Variants in CCDC138 observed in about 807,000 individuals in gnomAD.
CCDC138 encodes the protein coiled-coil domain containing 138.
CCDC138 carries 66 observed loss-of-function variants against 82.3 expected under a neutral mutation model. The observed-to-expected ratio is 0.80, with a 90% confidence interval of 0.66 to 0.98. The LOEUF (loss-of-function observed/expected upper bound fraction) is 0.98. CCDC138 is among the 50% of genes least tolerant of loss of function. The pLI is 0.00. For missense variants in CCDC138, 816 were observed against 758.9 expected, an observed-to-expected ratio of 1.08 and a Z score of -0.88; for synonymous variants, 297 against 265.4, an observed-to-expected ratio of 1.12 and a Z score of -1.16.
At chr2:108,875,951 T>C (rs1313383861) in intron 14 of CCDC138, 137 bp from the exon 15 acceptor site, 7 of 579,156 alleles carry the variant, frequency 1.2e-5, no homozygotes, top group African/African-American at 1.9e-5. Context: ...TTCTAATCTT[T>C]TAGTTGCCTA....
At chr2:108,823,519 T>G in intron 10 of CCDC138, among the ~76,000 whole-genome samples, 1 of 152,256 alleles carries the variant, frequency 6.6e-6, no homozygotes, top group Middle Eastern at 3.2e-3. Context: ...CTAGGTGATA[T>G]AGCCTACTAC....
At chr2:108,834,823 T>C (rs1205731403) in intron 10 of CCDC138, among the ~76,000 whole-genome samples, 1 of 152,256 alleles carries the variant, frequency 6.6e-6, no homozygotes. Flanking sequence ...TTGCATATTC[T>C]AAGTATCTCA....
chr2:108,792,606 T>C (rs1476958326), intron 4 of CCDC138, among the ~76,000 whole-genome samples: 2 of 152,208 alleles, frequency 1.3e-5, no homozygotes, highest in Non-Finnish European at 2.9e-5. Flanking sequence ...CTTTCACTTT[T>C]AGGGCATTTG....
chr2:108,856,728 C>T (rs1692659775), intron 12 of CCDC138, 66 bp from the exon 13 acceptor site: 2 of 1,450,120 alleles, frequency 1.4e-6, no homozygotes, highest in Non-Finnish European at 1.9e-6. Flanking sequence ...TGCTTTTTTA[C>T]CTTCTGTTTC....
rs530640424 is a variant in CCDC138, at chr2:108,814,673, A to AT, written c.1042-1255dup. 1.9e-3 allele frequency among the ~76,000 whole-genome samples: 271 copies of AT among 141,790 alleles called. 1 individual carries two copies. Among genetic ancestry groups the AT allele is most frequent in the African/African-American group, 4.3e-3 (169 of 39,022 alleles). The allele number at this position is 141,790 out of a possible 152,430, so 93.0% of individuals were successfully genotyped here. A position where few individuals can be genotyped will look rare whatever the true frequency, so the allele number is the denominator to read the frequency against. ...ATTTTTTAATTTATTAATATTTTTAATTTTTTTTTTTTTGAGATGGGGTCT... is the reference window on the plus strand; with the variant it reads ...ATTTTTTAATTTATTAATATTTTTAATTTTTTTTTTTTTTGAGATGGGGTCT... On this transcript the variant is annotated intron_variant, in intron 9 of 14. Coordinates refer to ENST00000295124, the MANE Select transcript of CCDC138 (RefSeq NM_144978.3).
intron 12 of CCDC138, among the ~76,000 whole-genome samples, chr2:108,847,746 G>A (rs1690733369): frequency 6.6e-6 from 1 of 152,012 alleles, no homozygotes; most frequent in East Asian, 1.9e-4. Flanking sequence ...TTTTATTAAT[G>A]GGCAATGACA....
intron 4 of CCDC138, among the ~76,000 whole-genome samples, chr2:108,794,253 A>G (rs933881828): frequency 1.5e-4 from 23 of 152,098 alleles, no homozygotes; most frequent in African/African-American, 4.6e-4. Context: ...GTTGCTTTCC[A>G]TTTCTTGGCA....
chr2:108,872,623 G>A (rs1467071016), intron 13 of CCDC138, among the ~76,000 whole-genome samples: 3 of 152,066 alleles, frequency 2.0e-5, no homozygotes, highest in African/African-American at 4.8e-5. Flanking sequence ...CATCTTGCGA[G>A]GGCTTCTTGT....
Position 108,804,995 on chromosome 2 carries a change from C to A in CCDC138, c.842C>A (p.Thr281Asn), listed in dbSNP as rs777540087. 7 of 1,530,162 alleles carry A rather than the reference C, an allele frequency of 4.6e-6. No homozygotes were observed. The highest frequency in any genetic ancestry group is 6.1e-6 in the Non-Finnish European group (7 of 1,144,110). 94.8% of individuals were successfully genotyped at this position (1,530,162 alleles called of 1,614,324 possible). ...GATGCATTGAAAGAATTGAATGATA[C>A]CTTAAAAAAACAGGTAAGACCTGTT... Reference protein sequence around the residue: ...SFDALKELNDTLKKQLNEASE... With the variant: ...SFDALKELNDNLKKQLNEASE... Residue 281 changes from threonine (T) to asparagine (N), a missense_variant, in exon 7 of 15, where the codon ACC (threonine) becomes AAC (asparagine). Transcript: ENST00000295124.
intron 13 of CCDC138, 34 bp downstream of exon 13, chr2:108,857,004 C>A: frequency 8.7e-7 from 1 of 1,145,688 alleles, no homozygotes; most frequent in Non-Finnish European, 1.2e-6. Flanking sequence ...GTAAAGAAAG[C>A]AGGATGATTT....
chr2:108,819,544 G>A (rs1409847391), intron 10 of CCDC138, among the ~76,000 whole-genome samples: 4 of 152,156 alleles, frequency 2.6e-5, no homozygotes, highest in African/African-American at 7.2e-5. Flanking sequence ...GAGGGACACA[G>A]CGATTATGGG....
intron 6 of CCDC138, among the ~76,000 whole-genome samples, chr2:108,803,997 A>G (rs1323587776): frequency 6.6e-6 from 1 of 152,162 alleles, no homozygotes; most frequent in Non-Finnish European, 1.5e-5. Flanking sequence ...ACAAAGATTA[A>G]CTTCTTAGAA....
rs1679197487 is a variant in CCDC138, at chr2:108,788,017, TC to T, written c.94-14del. On this transcript the variant is annotated splice_polypyrimidine_tract_variant and intron_variant, in intron 1 of 14. Coordinates refer to ENST00000295124, the MANE Select transcript of CCDC138 (RefSeq NM_144978.3). ...TTTTTAGTATACAAATTAAATCTTT[TC>T]TTTTTTTTTTTAGTATGATTTTTCA... The T allele has an allele frequency of 1.4e-6, 2 of 1,440,632 alleles. No individual in the cohort carries two copies. Among genetic ancestry groups the T allele is most frequent in the Non-Finnish European group, 9.4e-7 (1 of 1,060,554 alleles). 89.2% of individuals were successfully genotyped at this position (1,440,632 alleles called of 1,614,324 possible).
chr2:108,798,479 C>T lies in CCDC138; in HGVS notation c.628C>T (p.Arg210Cys), dbSNP rs767270069. ...KFAEELQKRE[R>C]FLLEREQLLF... is the part of the protein sequence containing the mutation. ...TGCTGAAGAACTTCAAAAGCGAGAA[C>T]GTTTTTTACTTGAAAGAGAACAACT... Residue 210 changes from arginine to cysteine, a missense_variant, in exon 6 of 15, where the codon CGT becomes TGT. Physicochemically the swap from Arg to Cys is radical, Grantham distance 180. Transcript: ENST00000295124. The T allele has an allele frequency of 7.4e-6, 12 of 1,613,530 alleles. No homozygotes were observed. In the South Asian group the frequency reaches 7.7e-5, roughly 10 times the overall value.
At chr2:108,860,238 C>G (rs1009188941) in intron 13 of CCDC138, among the ~76,000 whole-genome samples, 1 of 151,806 alleles carries the variant, frequency 6.6e-6, no homozygotes, top group Non-Finnish European at 1.5e-5. Flanking sequence ...GTCTGGGAGT[C>G]TTTTGGCAAG....
At chr2:108,834,086 A>G (rs1019941622) in intron 10 of CCDC138, among the ~76,000 whole-genome samples, 3 of 151,450 alleles carry the variant, frequency 2.0e-5, no homozygotes, top group Non-Finnish European at 4.4e-5. Flanking sequence ...AATAATAAGG[A>G]AACTAGAATT....
At chr2:108,797,812 T>C (rs1271804221) in intron 5 of CCDC138, among the ~76,000 whole-genome samples, 1 of 152,092 alleles carries the variant, frequency 6.6e-6, no homozygotes, top group Non-Finnish European at 1.5e-5. Context: ...TCCAAATTAG[T>C]AGAATGGAGA....
intron 10 of CCDC138, among the ~76,000 whole-genome samples, chr2:108,838,123 T>G (rs1281312419): frequency 6.6e-6 from 1 of 152,062 alleles, no homozygotes; most frequent in East Asian, 1.9e-4. Context: ...CTGGTAAGAT[T>G]ACGGCAGAGA....
intron 13 of CCDC138, among the ~76,000 whole-genome samples, chr2:108,864,024 G>T (rs1574287933): frequency 1.3e-5 from 2 of 152,062 alleles, no homozygotes; most frequent in Non-Finnish European, 2.9e-5. Flanking sequence ...AAGATGAAAG[G>T]CTGGTCTTTC....
Sources: allele counts gnomAD v4.1 joint callset (sites outside exome capture counted in the v4.1 genomes callset), GRCh38; gene constraint gnomAD v4.1.1; transcripts MANE v1.5; gene names NCBI Gene and HGNC (gene_info 2026-07-23, HGNC 2026-07-21).